Variants in ROBO2 observed in about 807,000 individuals in gnomAD.
ROBO2 encodes the protein roundabout guidance receptor 2, also known as roundabout homolog 2.
In ROBO2, 53 loss-of-function variants were observed where a neutral mutation model predicts 160.8. The observed-to-expected ratio is 0.33, with a 90% confidence interval of 0.26 to 0.41. ROBO2 has a LOEUF of 0.41. Among genes scored for constraint, ROBO2 ranks in the 10% least tolerant of loss-of-function variants. ROBO2 has a pLI of 1.00. For missense variants in ROBO2, 1,577 were observed against 1,722.4 expected (o/e 0.92, Z 1.49); for synonymous variants, 664 against 611.7 (o/e 1.09, Z -1.26).
intron 2 of ROBO2, among the ~76,000 whole-genome samples, chr3:76,143,169 C>G (rs778935847): frequency 6.6e-6 from 1 of 151,864 alleles, no homozygotes; most frequent in African/African-American, 2.4e-5. Context: ...TGGGACTATA[C>G]GCATGCACCA....
At chr3:77,346,457 AG>A (rs1163561694) in intron 2 of ROBO2, among the ~76,000 whole-genome samples, 1 of 149,890 alleles carries the variant, frequency 6.7e-6, no homozygotes, top group Non-Finnish European at 1.5e-5. Context: ...TTTGAGAAAT[AG>A]GGTTTGTTTT....
intron 2 of ROBO2, among the ~76,000 whole-genome samples, chr3:77,132,716 C>T (rs919439159): frequency 5.3e-5 from 8 of 150,110 alleles, no homozygotes; most frequent in African/African-American, 2.0e-4. Context: ...TTTTTAAGTA[C>T]AAGAGTCTTT....
intron 2 of ROBO2, among the ~76,000 whole-genome samples, chr3:76,862,594 C>A (rs987232655): frequency 6.6e-6 from 1 of 152,040 alleles, no homozygotes; most frequent in African/African-American, 2.4e-5. Flanking sequence ...TGTTCAGATT[C>A]TCTCTGTGTC....
intron 2 of ROBO2, chr3:77,316,816 A>G (rs2064041633): frequency 1.5e-6 from 2 of 1,308,330 alleles, no homozygotes; most frequent in Non-Finnish European, 2.2e-6. Context: ...CTTGCCATCC[A>G]GGAGAGCTGA....
Position 77,289,837 on chromosome 3 carries a change from G to A in ROBO2, c.389-187577G>A, listed in dbSNP as rs1474557911. Among the ~76,000 whole-genome samples the A allele has an allele frequency of 3.3e-5, 5 of 151,756 alleles. No homozygotes were observed. The East Asian group carries it at 9.8e-4, about 30-fold the overall frequency. Reference sequence around the variant, plus strand: ...GTAAAATTGACAGTTAAACAGGTAAGCTGAGGCTAGGTCACCAAAGACATA... The same window carrying A: ...GTAAAATTGACAGTTAAACAGGTAAACTGAGGCTAGGTCACCAAAGACATA... On this transcript the variant is annotated intron_variant, in intron 2 of 25. Transcript: ENST00000461745.
At chr3:76,806,188 C>A (rs537628140) in intron 2 of ROBO2, among the ~76,000 whole-genome samples, 5 of 146,374 alleles carry the variant, frequency 3.4e-5, no homozygotes, top group Non-Finnish European at 6.0e-5. Flanking sequence ...CTCCAGTTAT[C>A]AGGGTGTTTG....
At chr3:77,233,559 G>C (rs2087516296) in intron 2 of ROBO2, among the ~76,000 whole-genome samples, 2 of 152,140 alleles carry the variant, frequency 1.3e-5, no homozygotes, top group Non-Finnish European at 2.9e-5. Flanking sequence ...TTAGGATCTA[G>C]AAGCTAGTTG....
Position 76,522,669 on chromosome 3 carries a change from T to G in ROBO2, c.110-575345T>G, listed in dbSNP as rs149018560. Among the ~76,000 whole-genome samples, 498 of 152,262 alleles carry G rather than the reference T, an allele frequency of 3.3e-3. 7 individuals are homozygous for G. In the South Asian group the frequency reaches 0.04, roughly 12 times the overall value. ...CTGGAATATCGAACTAAGATTCCAC[T>G]GAATGATTTATCTCCGTTTTGCTAT... On this transcript the variant is annotated intron_variant, in intron 2 of 26. Coordinates refer to the ROBO2 transcript ENST00000487694.
At chr3:77,020,449 C>G (rs190724756) in intron 2 of ROBO2, among the ~76,000 whole-genome samples, 2 of 152,148 alleles carry the variant, frequency 1.3e-5, no homozygotes, top group South Asian at 2.1e-4. Context: ...GTCAGTAAAT[C>G]GGTCTATTTA....
At chr3:76,624,227 T>C (rs2089446816) in intron 2 of ROBO2, among the ~76,000 whole-genome samples, 1 of 152,170 alleles carries the variant, frequency 6.6e-6, no homozygotes, top group African/African-American at 2.4e-5. Context: ...ATATAAGGAT[T>C]GCTTACCTTT....
intron 2 of ROBO2, among the ~76,000 whole-genome samples, chr3:77,421,923 A>G (rs2077751484): frequency 6.6e-6 from 1 of 152,194 alleles, no homozygotes; most frequent in Non-Finnish European, 1.5e-5. Flanking sequence ...TTACACATTA[A>G]AATGTTATTA....
intron 2 of ROBO2, among the ~76,000 whole-genome samples, chr3:76,193,045 C>G (rs538128352): frequency 2.0e-5 from 3 of 152,218 alleles, no homozygotes; most frequent in East Asian, 1.9e-4. Context: ...GTCATTCTCT[C>G]TCATGGAAAC....
At chr3:75,949,392 A>G (rs1176814668) in intron 2 of ROBO2, among the ~76,000 whole-genome samples, 2 of 152,062 alleles carry the variant, frequency 1.3e-5, no homozygotes, top group Non-Finnish European at 1.5e-5. Flanking sequence ...AATTTATCTC[A>G]GAGGAATTTT....
At chr3:76,062,374 C>T (rs549630468) in intron 2 of ROBO2, among the ~76,000 whole-genome samples, 1 of 152,068 alleles carries the variant, frequency 6.6e-6, no homozygotes, top group South Asian at 2.1e-4. Context: ...TATGTGCTGT[C>T]CGACTACTTC....
intron 2 of ROBO2, chr3:76,433,941 GGGAT>G (rs2076550562): frequency 2.9e-6 from 2 of 685,952 alleles, no homozygotes; most frequent in South Asian, 1.7e-5. Context: ...TATCCATCTT[GGGAT>G]TCTACTCCAA....
chr3:76,812,909 A>ATTTTTTTTTTTTTTTTTTTTTTTTT (rs71104626), intron 2 of ROBO2, among the ~76,000 whole-genome samples: 2 of 104,656 alleles, frequency 1.9e-5, no homozygotes, highest in African/African-American at 7.3e-5. Context: ...AGAAGTATAA[A>ATTTTTTTTTTTTTTTTTTTTTTTTT]TTTTTTTTTT....
At chr3:76,687,324 A>G (rs1425790573) in intron 2 of ROBO2, among the ~76,000 whole-genome samples, 1 of 152,056 alleles carries the variant, frequency 6.6e-6, no homozygotes, top group Non-Finnish European at 1.5e-5. Flanking sequence ...TGGACAAAAC[A>G]TCATGTGAGA....
intron 2 of ROBO2, among the ~76,000 whole-genome samples, chr3:77,112,258 G>T (rs2073715633): frequency 6.8e-6 from 1 of 147,228 alleles, no homozygotes; most frequent in Non-Finnish European, 1.5e-5. Flanking sequence ...AGGGGGGGAC[G>T]CAGGGGCCGG....
chr3:77,180,416 C>CTCTCTCTCTATA (rs1433740534), intron 2 of ROBO2, among the ~76,000 whole-genome samples: 50 of 90,718 alleles, frequency 5.5e-4, no homozygotes, highest in African/African-American at 1.7e-3. Flanking sequence ...CTCTCTCTCT[C>CTCTCTCTCTATA]TATATATATA....
Sources: gnomAD v4.1 joint callset for allele counts (sites outside exome capture counted in the v4.1 genomes callset) on GRCh38, gnomAD v4.1.1 for gene constraint, MANE v1.5 for transcripts, NCBI Gene and HGNC (gene_info 2026-07-23, HGNC 2026-07-21) for gene names.